The following SOX5 variants were observed in gnomAD, a reference collection of about 807,000 sequenced individuals.
SOX5 encodes transcription factor SOX-5.
SOX5 carries 9 observed loss-of-function variants against 92.0 expected under a neutral mutation model. The ratio of observed to expected loss-of-function variants is 0.10; its 90% CI spans 0.06 to 0.17. The LOEUF (loss-of-function observed/expected upper bound fraction) is 0.17, where lower values mean the gene tolerates loss of function less well. Ranked by LOEUF, SOX5 falls within the 10% of genes least tolerant of loss-of-function variation. SOX5 has a pLI of 1.00. For missense variants in SOX5, 642 were observed against 944.5 expected (o/e 0.68, Z 4.20); for synonymous variants, 344 against 336.3 (o/e 1.02, Z -0.25).
intron 5 of SOX5, among the ~76,000 whole-genome samples, chr12:23,735,368 G>A (rs567846132): frequency 6.6e-5 from 10 of 151,974 alleles, no homozygotes; most frequent in South Asian, 4.2e-4. Flanking sequence ...TTCAGTTGTC[G>A]TCTTTTGACC....
intron 2 of SOX5, among the ~76,000 whole-genome samples, chr12:24,312,937 T>C (rs527459110): frequency 6.6e-6 from 1 of 152,288 alleles, no homozygotes; most frequent in Non-Finnish European, 1.5e-5. Flanking sequence ...TGGCATATCA[T>C]TTCAATTCTT....
At chr12:23,603,447 T>TATATATATATATATATAAA (rs1555193706) in intron 9 of SOX5, among the ~76,000 whole-genome samples, 1,159 of 70,610 alleles carry the variant, frequency 0.016, 22 homozygotes, top group Middle Eastern at 0.043. Flanking sequence ...ATATATAAAA[T>TATATATATATATATATAAA]ATATATATAT....
chr12:24,261,317 T>A (rs910299035), intron 3 of SOX5, among the ~76,000 whole-genome samples: 1 of 152,142 alleles, frequency 6.6e-6, no homozygotes, highest in African/African-American at 2.4e-5. Context: ...AGTTTTGGGG[T>A]ATATGAGCCA....
chr12:24,416,859 T>C (rs1787766834), intron 1 of SOX5, among the ~76,000 whole-genome samples: 1 of 152,186 alleles, frequency 6.6e-6, no homozygotes, highest in Admixed American at 6.5e-5. Flanking sequence ...GTCTGATCTG[T>C]CAATTTGAAT....
chr12:24,319,171 T>C (rs1405874693), intron 2 of SOX5, among the ~76,000 whole-genome samples: 1 of 152,200 alleles, frequency 6.6e-6, no homozygotes, highest in Non-Finnish European at 1.5e-5. Flanking sequence ...CCCTTGTGTA[T>C]CTAACTTTTG....
At chr12:24,300,810 G>C (rs1947861754) in intron 2 of SOX5, among the ~76,000 whole-genome samples, 1 of 152,130 alleles carries the variant, frequency 6.6e-6, no homozygotes, top group Non-Finnish European at 1.5e-5. Context: ...ACTGTTGCAG[G>C]GACCAGACAC....
chr12:23,979,922 C>CAGAT (rs1949392148), intron 4 of SOX5, among the ~76,000 whole-genome samples: 2 of 131,970 alleles, frequency 1.5e-5, no homozygotes, highest in Non-Finnish European at 3.2e-5. Context: ...GCCAGACAGA[C>CAGAT]AGACAGACAG....
At chr12:23,705,944 C>A (rs2091329710) in intron 6 of SOX5, among the ~76,000 whole-genome samples, 1 of 151,944 alleles carries the variant, frequency 6.6e-6, no homozygotes, top group African/African-American at 2.4e-5. Flanking sequence ...GCTGCAGGAG[C>A]TCCTAGAGAG....
At chr12:24,136,637 G>A (rs988339511) in intron 4 of SOX5, among the ~76,000 whole-genome samples, 2 of 152,184 alleles carry the variant, frequency 1.3e-5, no homozygotes, top group Non-Finnish European at 2.9e-5. Flanking sequence ...GGGGGAAGGT[G>A]GGGAGGGCAG....
intron 4 of SOX5, among the ~76,000 whole-genome samples, chr12:24,123,602 G>C (rs984176887): frequency 2.6e-5 from 4 of 152,116 alleles, no homozygotes; most frequent in Non-Finnish European, 5.9e-5. Context: ...CAGAGAAGTT[G>C]CATATGCTGC....
At chr12:23,887,243 T>C (rs1427697971) in intron 2 of SOX5, among the ~76,000 whole-genome samples, 1 of 152,116 alleles carries the variant, frequency 6.6e-6, no homozygotes, top group African/African-American at 2.4e-5. Context: ...AGCACAATGG[T>C]GCTGATTCTC....
chr12:24,237,388 T>A (rs530165531), intron 3 of SOX5, among the ~76,000 whole-genome samples: 3 of 152,222 alleles, frequency 2.0e-5, no homozygotes, highest in Non-Finnish European at 4.4e-5. Context: ...AGTTGATTAA[T>A]TGAACTTTAA....
chr12:24,259,378 G>A (rs1426045804), intron 3 of SOX5, among the ~76,000 whole-genome samples: 1 of 152,122 alleles, frequency 6.6e-6, no homozygotes, highest in Non-Finnish European at 1.5e-5. Context: ...ACATATACAC[G>A]CATATTGAGC....
intron 1 of SOX5, among the ~76,000 whole-genome samples, chr12:24,502,829 C>T (rs1948354095): frequency 6.6e-6 from 1 of 152,144 alleles, no homozygotes; most frequent in Non-Finnish European, 1.5e-5. Flanking sequence ...ATATGATGCC[C>T]TGAGAAAAAC....
chr12:24,505,971 T>C (rs893010878), intron 1 of SOX5, among the ~76,000 whole-genome samples: 3 of 152,176 alleles, frequency 2.0e-5, no homozygotes, highest in African/African-American at 4.8e-5. Context: ...TTATAGGATT[T>C]AAGATTTTTT....
chr12:23,578,229 A>ATATATAGACAT (rs1949548713), intron 9 of SOX5, among the ~76,000 whole-genome samples: 1 of 149,130 alleles, frequency 6.7e-6, no homozygotes, highest in Non-Finnish European at 1.5e-5. Flanking sequence ...ATGATGTCAT[A>ATATATAGACAT]ATTGGCAGCA....
At chr12:24,042,485 T>G (rs12826060) in intron 4 of SOX5, among the ~76,000 whole-genome samples, 52,890 of 151,938 alleles carry the variant, frequency 0.35, 9,460 homozygotes, top group Middle Eastern at 0.41. Context: ...TGACCAAGTT[T>G]TTCAGCTATT....
intron 1 of SOX5, among the ~76,000 whole-genome samples, chr12:24,493,544 C>A (rs1947304356): frequency 6.6e-6 from 1 of 152,144 alleles, no homozygotes; most frequent in African/African-American, 2.4e-5. Flanking sequence ...TGCAACTTTT[C>A]TGTAAATGTA....
At chr12:24,104,812 C>T (rs956635202) in intron 4 of SOX5, among the ~76,000 whole-genome samples, 3 of 152,182 alleles carry the variant, frequency 2.0e-5, no homozygotes, top group African/African-American at 4.8e-5. Flanking sequence ...TCCAATATAA[C>T]AGTTGGGTTT....
Sources: allele counts gnomAD v4.1 joint callset (sites outside exome capture counted in the v4.1 genomes callset), GRCh38; gene constraint gnomAD v4.1.1; transcripts MANE v1.5; gene names NCBI Gene and HGNC (gene_info 2026-07-23, HGNC 2026-07-21).